Variants in CC2D2B observed in about 807,000 individuals in gnomAD.
CC2D2B encodes protein CC2D2B.
In CC2D2B, 128 loss-of-function variants were observed where a neutral mutation model predicts 161.2. The observed-to-expected ratio is 0.79, with a 90% CI of 0.69 to 0.92. CC2D2B has a LOEUF of 0.92. Ranked by LOEUF, CC2D2B falls within the 40% of genes least tolerant of loss-of-function variation. The pLI is 0.00. For synonymous variants in CC2D2B, 391 were observed against 449.8 expected (o/e 0.87, Z 1.65); for missense variants, 1,173 against 1,375.1 (o/e 0.85, Z 2.32).
At chr10:96,027,124 A>C in intron 33 of CC2D2B, 88 bp from the exon 34 acceptor site, 1 of 274,292 alleles carries the variant, frequency 3.6e-6, no homozygotes, top group Non-Finnish European at 6.2e-6. Context: ...ACTTCGTCTC[A>C]AAAAAAAAAA....
chr10:95,999,352 G>A (rs1364501182), intron 24 of CC2D2B, among the ~76,000 whole-genome samples: 3 of 151,986 alleles, frequency 2.0e-5, no homozygotes, highest in Non-Finnish European at 4.4e-5. Flanking sequence ...ATGTATCACA[G>A]TTTACTTATT....
chr10:95,962,652 C>T (rs1413213538), intron 12 of CC2D2B, among the ~76,000 whole-genome samples: 1 of 152,064 alleles, frequency 6.6e-6, no homozygotes, highest in East Asian at 1.9e-4. Flanking sequence ...ATTTTCTCCC[C>T]ACAACCCATT....
rs1318343953 is a variant in CC2D2B, at chr10:96,032,916, A to G, written c.*908A>G. On this transcript the variant is annotated 3_prime_UTR_variant, in exon 35 of 35. Transcript: ENST00000646931. ...TTTCTTTCTTAGTAGTGGCTTATCTAGATCCTAAGAGCCCCTCAAGAAAGA... is the reference window on the plus strand; with the variant it reads ...TTTCTTTCTTAGTAGTGGCTTATCTGGATCCTAAGAGCCCCTCAAGAAAGA... 2 of 349,998 alleles carry G rather than the reference A, an allele frequency of 5.7e-6. No homozygotes were observed. Among genetic ancestry groups the G allele is most frequent in the African/African-American group, 4.3e-5 (2 of 46,728 alleles). 21.7% of individuals were successfully genotyped at this position (349,998 alleles called of 1,614,324 possible). A position where few individuals can be genotyped will look rare whatever the true frequency, so the allele number is the denominator to read the frequency against.
At chr10:95,924,524 T>C in intron 4 of CC2D2B, 134 bp downstream of exon 4, 2 of 570,998 alleles carry the variant, frequency 3.5e-6, no homozygotes, top group Non-Finnish European at 6.2e-6. Context: ...TCTTCCTCTC[T>C]CTCTCTATAT....
chr10:95,924,635 A>G (rs1043007640), intron 4 of CC2D2B, 144 bp from the exon 5 acceptor site: 5 of 622,306 alleles, frequency 8.0e-6, no homozygotes, highest in Non-Finnish European at 1.4e-5. Context: ...ACATTTCAGT[A>G]TGTCTGCTGA....
chr10:95,968,906 GC>G lies in CC2D2B; in HGVS notation c.1644+7del. 1 of 1,222,712 alleles carries G rather than the reference GC, an allele frequency of 8.2e-7. No homozygotes were observed. The highest frequency in any genetic ancestry group is 1.0e-6 in the Non-Finnish European group (1 of 979,690). 75.7% of individuals were successfully genotyped at this position (1,222,712 alleles called of 1,614,324 possible). On this transcript the variant is annotated splice_donor_region_variant and intron_variant, in intron 15 of 34. Coordinates refer to ENST00000646931, the MANE Select transcript of CC2D2B (RefSeq NM_001349008.3). ...CCTGAAGTGATTTGTTTGGAGGTAT[GC>G]CATTGTCATTTACTTTTGTATCTTA...
chr10:95,927,254 A>G lies in CC2D2B; in HGVS notation c.258A>G (p.Glu86=). The G allele has an allele frequency of 6.5e-7, 1 of 1,547,586 alleles. No homozygotes were observed. The highest frequency in any genetic ancestry group is 8.7e-7 in the Non-Finnish European group (1 of 1,143,074). ...TATCATAGTTGTCTCCACAGACTGA[A>G]GTCTCATTGGATGAAAGTCTTTCAT... ...HQRSKLSPQT[E]VSLDESLSFF... is the part of the protein sequence containing the mutation. The change falls in exon 6 of 35, where the codon GAA becomes GAG. Residue 86 remains glutamate (E), a synonymous_variant. Transcript: ENST00000646931.
At chr10:95,921,042 A>G (rs1369704784) in intron 2 of CC2D2B, 2 of 152,332 alleles carry the variant, frequency 1.3e-5, no homozygotes, top group Admixed American at 6.6e-5. Context: ...GGATCATGTC[A>G]CCCTGAGTCC....
At chr10:95,994,688 C>T (rs1050175067) in intron 22 of CC2D2B, among the ~76,000 whole-genome samples, 12 of 152,180 alleles carry the variant, frequency 7.9e-5, no homozygotes, top group African/African-American at 2.4e-4. Flanking sequence ...GAGGGCTCAC[C>T]TCTTCCTTTC....
In CC2D2B at chr10:95,991,472, A is replaced by C; in HGVS notation, c.2471+11A>C. The C allele has an allele frequency of 1.3e-6, 1 of 783,760 alleles. No individual in the cohort carries two copies. The highest frequency in any genetic ancestry group is 1.7e-6 in the Non-Finnish European group (1 of 578,336). The allele number at this position is 783,760 out of a possible 1,614,324, so 48.6% of individuals were successfully genotyped here. On this transcript the variant is annotated intron_variant, in intron 21 of 34. Transcript: ENST00000646931. ...AATTGTATCTACAAGGTAATTGCTA[A>C]AAACTATTAAGTATGAAATATAAAC... is the stretch of plus-strand genomic sequence containing the variant.
intron 11 of CC2D2B, among the ~76,000 whole-genome samples, chr10:95,960,993 A>G (rs1392944593): frequency 6.6e-6 from 1 of 152,152 alleles, no homozygotes; most frequent in Non-Finnish European, 1.5e-5. Flanking sequence ...AACCGTCCAA[A>G]TAGAACTTAG....
At chr10:95,993,584 A>C (rs1482188767) in intron 22 of CC2D2B, among the ~76,000 whole-genome samples, 2 of 151,896 alleles carry the variant, frequency 1.3e-5, no homozygotes, top group African/African-American at 4.8e-5. Flanking sequence ...CTTCTAAAAG[A>C]ATTAAGTATG....
chr10:95,917,007 G>A (rs1266886358), intron 2 of CC2D2B, among the ~76,000 whole-genome samples: 2 of 152,086 alleles, frequency 1.3e-5, no homozygotes, highest in African/African-American at 4.8e-5. Flanking sequence ...TCCAACTATT[G>A]CTGCATTGGT....
intron 12 of CC2D2B, among the ~76,000 whole-genome samples, chr10:95,963,884 G>A (rs147582542): frequency 9.2e-5 from 14 of 152,240 alleles, no homozygotes; most frequent in South Asian, 8.3e-4. Context: ...CTGTCTTCTC[G>A]TTCAGGTGGC....
At chr10:95,985,449 T>C (rs1357141460) in intron 19 of CC2D2B, among the ~76,000 whole-genome samples, 1 of 152,180 alleles carries the variant, frequency 6.6e-6, no homozygotes, top group African/African-American at 2.4e-5. Context: ...TGCAATCTCT[T>C]AACATAAATT....
chr10:96,023,481 AAC>A (rs1243689933), intron 32 of CC2D2B, among the ~76,000 whole-genome samples: 1 of 152,232 alleles, frequency 6.6e-6, no homozygotes, highest in Non-Finnish European at 1.5e-5. Flanking sequence ...GGAAAGGATA[AAC>A]ACACCATAAA....
Position 95,927,398 on chromosome 10 carries a change from G to A in CC2D2B, c.336+66G>A, listed in dbSNP as rs1245523233. 14 of 865,536 alleles carry A rather than the reference G, an allele frequency of 1.6e-5. No individual in the cohort carries two copies. In the Admixed American group the frequency reaches 2.1e-4, roughly 13 times the overall value. 53.6% of individuals were successfully genotyped at this position (865,536 alleles called of 1,614,324 possible). A position where few individuals can be genotyped will look rare whatever the true frequency, so the allele number is the denominator to read the frequency against. On this transcript the variant is annotated intron_variant, in intron 6 of 34. Coordinates refer to ENST00000646931, the MANE Select transcript of CC2D2B (RefSeq NM_001349008.3). The stretch of plus-strand genomic sequence containing the variant: ...GAAAAAATGATTCTTTATTAAAAGT[G>A]CAGAATGAAATACTTGGACGGGAGA...
chr10:95,961,569 C>A (rs2076764057), intron 11 of CC2D2B: 2 of 254,628 alleles, frequency 7.9e-6, no homozygotes, highest in Non-Finnish European at 1.5e-5. Context: ...AGGCTATTTC[C>A]TTTCTCAGAA....
rs1157603916 is a variant in CC2D2B, at chr10:95,963,957, C to T, written c.1251-1939C>T. On this transcript the variant is annotated intron_variant, in intron 12 of 34. Transcript: ENST00000646931. ...GCTTAGAGAGACTGGGTGGGTCAGT[C>T]GCTATAGATGATAGATTGTATTTTC... Among the ~76,000 whole-genome samples, 5 of 152,090 alleles carry T rather than the reference C, an allele frequency of 3.3e-5. No individual in the cohort carries two copies. The East Asian group carries it at 5.8e-4, about 18-fold the overall frequency.
Sources: allele counts gnomAD v4.1 joint callset (sites outside exome capture counted in the v4.1 genomes callset), GRCh38; gene constraint gnomAD v4.1.1; transcripts MANE v1.5; gene names NCBI Gene and HGNC (gene_info 2026-07-23, HGNC 2026-07-21).